The following CALN1 variants were observed in gnomAD, a reference collection of about 807,000 sequenced individuals.
CALN1 encodes the protein calcium-binding protein 8.
CALN1 carries 17 observed loss-of-function variants against 30.6 expected under a neutral mutation model. The observed-to-expected ratio is 0.56, with a 90% CI of 0.38 to 0.83. The LOEUF is 0.83. Ranked by LOEUF, CALN1 falls within the 40% of genes least tolerant of loss-of-function variation. The pLI is 0.00. For missense variants in CALN1, 291 were observed against 354.9 expected, an observed-to-expected ratio of 0.82 and a Z score of 1.45; for synonymous variants, 156 against 131.4, an observed-to-expected ratio of 1.19 and a Z score of -1.28.
intron 3 of CALN1, among the ~76,000 whole-genome samples, chr7:72,138,907 A>AT (rs1308327443): frequency 1.3e-5 from 2 of 152,060 alleles, no homozygotes; most frequent in African/African-American, 4.8e-5. Context: ...CTGCCCACAC[A>AT]TTCAATGAAA....
At chr7:72,038,132 G>C (rs1488920300) in intron 4 of CALN1, among the ~76,000 whole-genome samples, 2 of 151,920 alleles carry the variant, frequency 1.3e-5, no homozygotes, top group Non-Finnish European at 2.9e-5. Context: ...ACACGTCCCT[G>C]ATATTTGGAG....
At chr7:72,488,378 T>TA in the CALN1 span, among the ~76,000 whole-genome samples, 9 of 150,080 alleles carry the variant, frequency 6.0e-5, no homozygotes, top group South Asian at 2.1e-4. Context: ...CTCAAAAGAA[T>TA]AAAAAAAAAT....
chr7:72,172,392 A>G (rs1789033924), intron 3 of CALN1, among the ~76,000 whole-genome samples: 1 of 152,246 alleles, frequency 6.6e-6, no homozygotes, highest in Non-Finnish European at 1.5e-5. Context: ...ACTTAGAGCC[A>G]GAAGGCTCAC....
At chr7:72,075,934 G>A (rs1420847939) in intron 4 of CALN1, among the ~76,000 whole-genome samples, 1 of 152,158 alleles carries the variant, frequency 6.6e-6, no homozygotes, top group Non-Finnish European at 1.5e-5. Flanking sequence ...CTGGGGCACA[G>A]GGCATAGGCA....
chr7:72,476,161 C>A, the CALN1 span, among the ~76,000 whole-genome samples: 1 of 151,938 alleles, frequency 6.6e-6, no homozygotes, highest in East Asian at 1.9e-4. Flanking sequence ...GTTGGCCAGG[C>A]TGGTCTCGAA....
At chr7:72,333,691 GAAAAAAAA>G (rs5884885) in intron 2 of CALN1, among the ~76,000 whole-genome samples, 1 of 107,798 alleles carries the variant, frequency 9.3e-6, no homozygotes, top group African/African-American at 3.8e-5. Flanking sequence ...GGAATATGCA[GAAAAAAAA>G]AAAAAAAAAG....
intron 1 of CALN1, among the ~76,000 whole-genome samples, chr7:72,405,581 CTA>C (rs1806641083): frequency 6.6e-6 from 1 of 152,190 alleles, no homozygotes; most frequent in Admixed American, 6.5e-5. Flanking sequence ...TTACACATGC[CTA>C]TGACTCATCT....
intron 3 of CALN1, among the ~76,000 whole-genome samples, chr7:72,157,828 G>A (rs1787812668): frequency 1.3e-5 from 2 of 152,154 alleles, no homozygotes; most frequent in Admixed American, 1.3e-4. Context: ...ACTGCAACCT[G>A]TGCCTCCCCC....
intron 4 of CALN1, among the ~76,000 whole-genome samples, chr7:72,094,241 C>A (rs1563052256): frequency 1.3e-5 from 2 of 151,982 alleles, no homozygotes; most frequent in African/African-American, 4.8e-5. Flanking sequence ...TTGGATGAGG[C>A]TGCTCTTATT....
intron 2 of CALN1, among the ~76,000 whole-genome samples, chr7:72,314,745 G>C (rs949969230): frequency 2.6e-5 from 4 of 151,500 alleles, no homozygotes; most frequent in African/African-American, 7.3e-5. Context: ...GAACGCAGAG[G>C]TAAGTATTTG....
chr7:72,103,768 G>T (rs1022899358), intron 4 of CALN1, among the ~76,000 whole-genome samples: 1 of 152,068 alleles, frequency 6.6e-6, no homozygotes, highest in Non-Finnish European at 1.5e-5. Flanking sequence ...TGGAGGGGGG[G>T]GGAAGGAGGC....
At chr7:72,413,249 TACACACATATACATTCAC>T (rs1008332916), upstream of CALN1, among the ~76,000 whole-genome samples, 16 of 148,816 alleles carry the variant, frequency 1.1e-4, no homozygotes, top group African/African-American at 3.7e-4. Flanking sequence ...ACACCACACA[TACACACATATACATTCAC>T]ACACACATGC....
intron 5 of CALN1, among the ~76,000 whole-genome samples, chr7:72,001,683 T>C (rs929633437): frequency 6.6e-6 from 1 of 152,228 alleles, no homozygotes; most frequent in African/African-American, 2.4e-5. Flanking sequence ...TAATAAACTT[T>C]CACTCCTGCC....
intron 4 of CALN1, among the ~76,000 whole-genome samples, chr7:72,066,655 C>A (rs920837484): frequency 6.6e-6 from 1 of 152,154 alleles, no homozygotes; most frequent in Admixed American, 6.5e-5. Context: ...TTCTGTCAAT[C>A]AGGCTGGAGT....
At chr7:72,411,416 G>A (rs931493787) in intron 1 of CALN1, among the ~76,000 whole-genome samples, 4 of 152,104 alleles carry the variant, frequency 2.6e-5, no homozygotes, top group Non-Finnish European at 4.4e-5. Context: ...TTAGAGAAAA[G>A]AGCTGTAAAT....
At chr7:72,181,458 G>A (rs1789798593) in intron 3 of CALN1, among the ~76,000 whole-genome samples, 1 of 150,622 alleles carries the variant, frequency 6.6e-6, no homozygotes, top group African/African-American at 2.4e-5. Flanking sequence ...AGCACACACT[G>A]CCTAGCTCAT....
chr7:72,115,146 C>T (rs1030298426), intron 3 of CALN1, among the ~76,000 whole-genome samples: 2 of 144,480 alleles, frequency 1.4e-5, no homozygotes, highest in Non-Finnish European at 3.0e-5. Context: ...AGTATAATGT[C>T]CATGTCCCAC....
rs17424491 is a variant in CALN1, at chr7:71,834,272, A to G, written c.502-23780T>C. Among the ~76,000 whole-genome samples the G allele has an allele frequency of 6.1e-3, 907 of 149,186 alleles. 10 individuals are homozygous for G. The highest frequency in any genetic ancestry group is 0.023 in the South Asian group (109 of 4,650). On this transcript the variant is annotated intron_variant, in intron 5 of 6. Coordinates refer to ENST00000395275, the MANE Select transcript of CALN1 (RefSeq NM_031468.4). The stretch of plus-strand genomic sequence containing the variant: ...AAAAAAACTAGTTAAATTAAATTAC[A>G]TAAATGACACAGAGTAAAAAGGAAG...
chr7:72,257,808 C>G lies in CALN1; in HGVS notation c.244+20878G>C, dbSNP rs530558791. 7.2e-5 allele frequency among the ~76,000 whole-genome samples: 11 copies of G among 152,284 alleles called. No homozygotes were observed. In the South Asian group the frequency reaches 2.3e-3, roughly 32 times the overall value. On this transcript the variant is annotated intron_variant, in intron 3 of 6. Transcript: ENST00000395275. ...CCATAAAAAGGAATGAAACAATGGC[C>G]TTTGCAGCAACTTAGATGGAGTTGG...
Sources: gnomAD v4.1 joint callset for allele counts (sites outside exome capture counted in the v4.1 genomes callset) on GRCh38, gnomAD v4.1.1 for gene constraint, MANE v1.5 for transcripts, NCBI Gene and HGNC (gene_info 2026-07-23, HGNC 2026-07-21) for gene names.